EIF3H: variants seen among roughly 807,000 people sequenced by gnomAD.
EIF3H encodes the protein eIF-3-gamma.
Under a neutral mutation model 44.2 loss-of-function variants are expected in EIF3H, and 26 were observed. The ratio of observed to expected loss-of-function variants is 0.59; its 90% CI spans 0.43 to 0.82. The LOEUF (loss-of-function observed/expected upper bound fraction) is 0.82, where lower values mean the gene tolerates loss of function less well. Among genes scored for constraint, EIF3H ranks in the 40% least tolerant of loss-of-function variants. EIF3H has a pLI of 0.00. For synonymous variants in EIF3H, 166 were observed against 151.9 expected (o/e 1.09, Z -0.68); for missense variants, 359 against 432.8 (o/e 0.83, Z 1.51).
chr8:116,723,970 A>G (rs962666941), intron 2 of EIF3H, among the ~76,000 whole-genome samples: 5 of 152,232 alleles, frequency 3.3e-5, no homozygotes, highest in Non-Finnish European at 7.3e-5. Context: ...AATCTATTCT[A>G]AAATTCATAT....
chr8:116,707,311 T>C (rs1197663872), intron 2 of EIF3H, among the ~76,000 whole-genome samples: 1 of 152,190 alleles, frequency 6.6e-6, no homozygotes, highest in African/African-American at 2.4e-5. Context: ...ATATCTATAA[T>C]TTCTGAATTG....
Position 116,659,877 on chromosome 8 carries a change from CTAT to C in EIF3H, c.290-900_290-898del, listed in dbSNP as rs548381493. ...AGTCAACATAATAGCCATGCTATTTCTATTATTATTTATTATTATTATTATTGA... is the reference window on the plus strand; with the variant it reads ...AGTCAACATAATAGCCATGCTATTTCTATTATTTATTATTATTATTATTGA... On this transcript the variant is annotated intron_variant, in intron 2 of 7. Coordinates refer to ENST00000521861, the MANE Select transcript of EIF3H (RefSeq NM_003756.3). Among the ~76,000 whole-genome samples the C allele has an allele frequency of 8.5e-5, 13 of 152,076 alleles. No homozygotes were observed. The South Asian group carries it at 2.7e-3, about 32-fold the overall frequency.
At position 116,665,662 on chromosome 8, in the gene EIF3H, G is replaced by T. The variant is rs1377631893; in HGVS notation, c.290-6682C>A. 2.6e-5 allele frequency among the ~76,000 whole-genome samples: 4 copies of T among 152,180 alleles called. No homozygotes were observed. The East Asian group carries it at 7.7e-4, about 29-fold the overall frequency. Reference sequence around the variant, plus strand: ...TCTGGCATGGGAGCTAACCAAAGTAGGACTTTTAAGAATAAAATTATAGGC... The same window carrying T: ...TCTGGCATGGGAGCTAACCAAAGTATGACTTTTAAGAATAAAATTATAGGC... On this transcript the variant is annotated intron_variant, in intron 2 of 7. Coordinates refer to ENST00000521861, the MANE Select transcript of EIF3H (RefSeq NM_003756.3).
rs193102087 is a variant in EIF3H at position 116,643,002 on chromosome 8, T to A, written c.*2004A>T. 1 of 152,364 alleles carries A rather than the reference T, an allele frequency of 6.6e-6. No homozygotes were observed. 9.4% of individuals were successfully genotyped at this position (152,364 alleles called of 1,614,324 possible). On this transcript the variant is annotated 3_prime_UTR_variant, in exon 8 of 8. Coordinates refer to ENST00000521861, the MANE Select transcript of EIF3H (RefSeq NM_003756.3). ...TGAATTGACTCAGTTAAATTACTCTTAATCCTAAAAAATACATAAGTTATG... is the reference window on the plus strand; with the variant it reads ...TGAATTGACTCAGTTAAATTACTCTAAATCCTAAAAAATACATAAGTTATG...
chr8:116,685,839 G>C (rs1814066698), intron 2 of EIF3H, among the ~76,000 whole-genome samples: 1 of 152,186 alleles, frequency 6.6e-6, no homozygotes, highest in Admixed American at 6.6e-5. Flanking sequence ...AGCCCCTACT[G>C]TGTCATGAAA....
At chr8:116,688,598 G>A (rs955621479) in intron 2 of EIF3H, among the ~76,000 whole-genome samples, 1 of 152,058 alleles carries the variant, frequency 6.6e-6, no homozygotes, top group African/African-American at 2.4e-5. Flanking sequence ...AGAAAACTGA[G>A]TTTCATGAAA....
intron 2 of EIF3H, among the ~76,000 whole-genome samples, chr8:116,685,282 G>A (rs1814056957): frequency 6.6e-6 from 1 of 152,150 alleles, no homozygotes; most frequent in South Asian, 2.1e-4. Context: ...TGCTACTAAG[G>A]TTAGTGTGCA....
chr8:116,702,810 G>C (rs983160886), intron 2 of EIF3H, among the ~76,000 whole-genome samples: 1 of 152,116 alleles, frequency 6.6e-6, no homozygotes. Context: ...TCATTTTAGG[G>C]CAGTGGTACC....
intron 2 of EIF3H, among the ~76,000 whole-genome samples, chr8:116,715,009 A>G (rs1814638502): frequency 6.6e-6 from 1 of 152,078 alleles, no homozygotes; most frequent in African/African-American, 2.4e-5. Flanking sequence ...GCAAGTAACT[A>G]AGCAGAGATT....
intron 1 of EIF3H, among the ~76,000 whole-genome samples, chr8:116,730,206 G>C (rs781234512): frequency 1.3e-5 from 2 of 152,158 alleles, no homozygotes; most frequent in Non-Finnish European, 2.9e-5. Flanking sequence ...CCAAGGCCAC[G>C]GACAGGTACT....
intron 2 of EIF3H, among the ~76,000 whole-genome samples, chr8:116,678,053 G>A (rs969798317): frequency 6.6e-6 from 1 of 152,032 alleles, no homozygotes; most frequent in Non-Finnish European, 1.5e-5. Flanking sequence ...AAAGCTGGAC[G>A]GTACTGCTGC....
intron 1 of EIF3H, among the ~76,000 whole-genome samples, chr8:116,749,428 A>G (rs1425866328): frequency 6.6e-6 from 1 of 152,198 alleles, no homozygotes; most frequent in African/African-American, 2.4e-5. Context: ...ATTTCTAACA[A>G]ACTCAAGTGT....
intron 6 of EIF3H, among the ~76,000 whole-genome samples, chr8:116,647,712 G>T (rs1375682610): frequency 6.6e-6 from 1 of 152,110 alleles, no homozygotes; most frequent in Non-Finnish European, 1.5e-5. Context: ...AAAATCAAGG[G>T]AAACAACAAT....
intron 2 of EIF3H, among the ~76,000 whole-genome samples, chr8:116,675,715 G>A (rs948252268): frequency 1.3e-5 from 2 of 152,128 alleles, no homozygotes; most frequent in Non-Finnish European, 2.9e-5. Flanking sequence ...TATAACACAA[G>A]GAGAATGAAG....
upstream of EIF3H, among the ~76,000 whole-genome samples, chr8:116,756,684 A>G (rs951043381): frequency 2.0e-5 from 3 of 152,234 alleles, no homozygotes; most frequent in Non-Finnish European, 2.9e-5. Context: ...TTGTTTTGTC[A>G]TTGGGATCTG....
chr8:116,726,264 G>A, intron 1 of EIF3H, 92 bp from the exon 2 acceptor site: 1 of 1,398,618 alleles, frequency 7.1e-7, no homozygotes, highest in Non-Finnish European at 9.5e-7. Flanking sequence ...ACTGTACTAG[G>A]TTTGCAAAAC....
chr8:116,665,081 C>T (rs2130805546), intron 2 of EIF3H, among the ~76,000 whole-genome samples: 1 of 152,326 alleles, frequency 6.6e-6, no homozygotes, highest in East Asian at 1.9e-4. Context: ...GACTCTGACT[C>T]CAAAGGCTAG....
At chr8:116,680,592 G>A (rs1390956858) in intron 2 of EIF3H, among the ~76,000 whole-genome samples, 1 of 110,174 alleles carries the variant, frequency 9.1e-6, no homozygotes, top group Non-Finnish European at 1.9e-5. Flanking sequence ...TAAGGGCGGT[G>A]CAAGATGTGC....
At chr8:116,723,211 C>T (rs369041122) in intron 2 of EIF3H, among the ~76,000 whole-genome samples, 2 of 152,326 alleles carry the variant, frequency 1.3e-5, no homozygotes, top group African/African-American at 4.8e-5. Context: ...ACTTAAACCT[C>T]TCAAGCTCCT....
Sources: gnomAD v4.1 joint callset for allele counts (sites outside exome capture counted in the v4.1 genomes callset) on GRCh38, gnomAD v4.1.1 for gene constraint, MANE v1.5 for transcripts, NCBI Gene and HGNC (gene_info 2026-07-23, HGNC 2026-07-21) for gene names.